Variants in GRIN2A observed in about 807,000 individuals in gnomAD.
The protein encoded by GRIN2A is glutamate receptor ionotropic, NMDA 2A.
GRIN2A carries 22 observed loss-of-function variants against 113.4 expected under a neutral mutation model. That is an observed-to-expected ratio of 0.19 (90% CI 0.14 to 0.28). GRIN2A has a LOEUF of 0.28. Among genes scored for constraint, GRIN2A ranks in the 10% least tolerant of loss-of-function variants. The pLI is 1.00. For synonymous variants in GRIN2A, 827 were observed against 738.4 expected, an observed-to-expected ratio of 1.12 and a Z score of -1.94; for missense variants, 1,502 against 1,887.0, an observed-to-expected ratio of 0.80 and a Z score of 3.78.
At chr16:9,792,500 A>T (rs1902672290) in intron 11 of GRIN2A, among the ~76,000 whole-genome samples, 1 of 152,204 alleles carries the variant, frequency 6.6e-6, no homozygotes, top group Non-Finnish European at 1.5e-5. Flanking sequence ...TTAAGATTAC[A>T]GGCATGAGCC....
At chr16:9,842,930 A>T (rs1011217026) in intron 5 of GRIN2A, among the ~76,000 whole-genome samples, 13 of 145,244 alleles carry the variant, frequency 9.0e-5, no homozygotes, top group Admixed American at 7.6e-4. Flanking sequence ...GACTCTGTCG[A>T]GAGAAAGAGA....
In GRIN2A at chr16:9,759,048, G is replaced by A. The variant is rs1211836268; in HGVS notation, c.*4101C>T. ...AGGCTCCATTTCAGAAACAACGCATGTCCCCTTTTCAAGGATTCATGCACA... is the reference window on the plus strand; with the variant it reads ...AGGCTCCATTTCAGAAACAACGCATATCCCCTTTTCAAGGATTCATGCACA... On this transcript the variant is annotated 3_prime_UTR_variant, in exon 13 of 13. Coordinates refer to ENST00000330684, the MANE Select transcript of GRIN2A (RefSeq NM_001134407.3). 1 of 220,570 alleles carries A rather than the reference G, an allele frequency of 4.5e-6. No homozygotes were observed. Among genetic ancestry groups the A allele is most frequent in the Non-Finnish European group, 9.1e-6 (1 of 110,056 alleles). The allele number at this position is 220,570 out of a possible 1,614,324, so 13.7% of individuals were successfully genotyped here.
intron 2 of GRIN2A, among the ~76,000 whole-genome samples, chr16:10,159,160 G>A (rs180862839): frequency 9.9e-5 from 15 of 152,192 alleles, no homozygotes; most frequent in Admixed American, 4.6e-4. Context: ...GGTGGTCCTC[G>A]GATCCCTGCC....
intron 4 of GRIN2A, among the ~76,000 whole-genome samples, chr16:9,872,904 G>T (rs1054534598): frequency 6.6e-6 from 1 of 152,038 alleles, no homozygotes; most frequent in Non-Finnish European, 1.5e-5. Context: ...AACTAGCCAG[G>T]CATGGTGGCA....
At chr16:9,830,901 T>C (rs544980078) in intron 8 of GRIN2A, among the ~76,000 whole-genome samples, 4 of 151,914 alleles carry the variant, frequency 2.6e-5, no homozygotes, top group African/African-American at 9.7e-5. Flanking sequence ...GTTAATCCAG[T>C]CAACTTTATG....
chr16:9,985,639 A>G (rs1244744975), intron 2 of GRIN2A, among the ~76,000 whole-genome samples: 1 of 152,174 alleles, frequency 6.6e-6, no homozygotes, highest in African/African-American at 2.4e-5. Context: ...TAAAAAAAAA[A>G]AAATTAAAAC....
intron 2 of GRIN2A, among the ~76,000 whole-genome samples, chr16:10,062,829 C>A (rs987944951): frequency 6.6e-6 from 1 of 151,194 alleles, no homozygotes; most frequent in Non-Finnish European, 1.5e-5. Flanking sequence ...TGTGCCACTG[C>A]ACTCCAGCCT....
At position 10,180,333 on chromosome 16, in the gene GRIN2A, C is replaced by A; in HGVS notation, c.79G>T (p.Ala27Ser). ...TTTAGCGCGGGGGGACCCTTCTCCG[C>A]CGCCGCGCTCGGCGCCGGACCGCGC... ...VWRGPAPSAA[A>S]EKGPPALNIA... The change falls in exon 2 of 13, where the codon GCG becomes TCG. Residue 27 changes from alanine to serine, a missense_variant. Coordinates refer to ENST00000330684, the MANE Select transcript of GRIN2A (RefSeq NM_001134407.3). This position sits in a 1 kb window ranked among gnomAD's most constrained non-coding sequence, Gnocchi z 7.0. The A allele has an allele frequency of 6.2e-7, 1 of 1,609,332 alleles. No homozygotes were observed. Among genetic ancestry groups the A allele is most frequent in the East Asian group, 2.2e-5 (1 of 44,848 alleles).
chr16:10,179,090 G>A (rs1235214075), intron 2 of GRIN2A, among the ~76,000 whole-genome samples: 6 of 151,750 alleles, frequency 4.0e-5, no homozygotes, highest in African/African-American at 7.3e-5. Context: ...TCATAACATC[G>A]CCTTCAAATC....
At chr16:9,774,773 C>T (rs939387542) in intron 11 of GRIN2A, among the ~76,000 whole-genome samples, 2 of 152,232 alleles carry the variant, frequency 1.3e-5, no homozygotes, top group Non-Finnish European at 2.9e-5. Context: ...TGCATACACA[C>T]AGTGCCTGGC....
intron 2 of GRIN2A, among the ~76,000 whole-genome samples, chr16:10,042,484 T>C (rs1170358546): frequency 6.6e-6 from 1 of 152,154 alleles, no homozygotes; most frequent in African/African-American, 2.4e-5. Context: ...GTCCAGCCTT[T>C]AGATCACTGC....
intron 2 of GRIN2A, among the ~76,000 whole-genome samples, chr16:10,039,136 C>G (rs114088061): frequency 2.6e-5 from 4 of 152,162 alleles, no homozygotes; most frequent in African/African-American, 9.7e-5. Flanking sequence ...CTCCCACCCC[C>G]CAATGTCCCC....
At chr16:9,890,294 T>C (rs960783244) in intron 4 of GRIN2A, among the ~76,000 whole-genome samples, 1 of 152,360 alleles carries the variant, frequency 6.6e-6, no homozygotes. Context: ...CATTTAATTA[T>C]GGAGGAGGAG....
intron 2 of GRIN2A, among the ~76,000 whole-genome samples, chr16:10,110,559 G>A (rs1206786463): frequency 6.6e-6 from 1 of 152,212 alleles, no homozygotes; most frequent in African/African-American, 2.4e-5. Context: ...CCAGGACTGG[G>A]GGGTGCATGG....
chr16:9,805,828 G>A (rs1210012509), intron 10 of GRIN2A, among the ~76,000 whole-genome samples: 1 of 152,092 alleles, frequency 6.6e-6, no homozygotes, highest in Non-Finnish European at 1.5e-5. Flanking sequence ...TCGGGGAAGG[G>A]CATTCATGAT....
At chr16:10,114,016 AAAAAAAAAAG>A (rs2048678038) in intron 2 of GRIN2A, among the ~76,000 whole-genome samples, 1 of 148,028 alleles carries the variant, frequency 6.8e-6, no homozygotes, top group East Asian at 2.0e-4. Context: ...CCTCGTTCTT[AAAAAAAAAAG>A]AAAAAAAAAG....
intron 2 of GRIN2A, among the ~76,000 whole-genome samples, chr16:9,974,736 G>C (rs978427747): frequency 2.0e-5 from 3 of 152,168 alleles, no homozygotes; most frequent in African/African-American, 7.2e-5. Flanking sequence ...CCTGTGAAAA[G>C]CTAAAGATGT....
In GRIN2A at chr16:10,068,118, T is replaced by C. The variant is rs1049603549; in HGVS notation, c.414+111880A>G. The stretch of plus-strand genomic sequence containing the variant: ...GCTAATCCCTTTTATGCTCTCCTTG[T>C]GGTCCTCTGCTTTCCCAAAGCGTAT... On this transcript the variant is annotated intron_variant, in intron 2 of 12. Coordinates refer to ENST00000330684, the MANE Select transcript of GRIN2A (RefSeq NM_001134407.3). Among the ~76,000 whole-genome samples, 5 of 152,368 alleles carry C rather than the reference T, an allele frequency of 3.3e-5. No homozygotes were observed. In the East Asian group the frequency reaches 9.6e-4, roughly 29 times the overall value.
chr16:10,054,878 T>C (rs2047418812), intron 2 of GRIN2A, among the ~76,000 whole-genome samples: 1 of 150,758 alleles, frequency 6.6e-6, no homozygotes, highest in Non-Finnish European at 1.5e-5. Context: ...AAACCCCATC[T>C]CTACTAAGAA....
Sources: allele counts gnomAD v4.1 joint callset (sites outside exome capture counted in the v4.1 genomes callset), GRCh38; gene constraint gnomAD v4.1.1; non-coding constraint Gnocchi (gnomAD v3.1); transcripts MANE v1.5; gene names NCBI Gene and HGNC (gene_info 2026-07-23, HGNC 2026-07-21).